Variants in LRP2 observed in about 807,000 individuals in gnomAD.
The protein encoded by LRP2 is low-density lipoprotein receptor-related protein 2.
LRP2 carries 172 observed loss-of-function variants against 531.0 expected under a neutral mutation model. The observed-to-expected ratio is 0.32, with a 90% confidence interval of 0.29 to 0.37. LRP2 has a LOEUF of 0.37. Among genes scored for constraint, LRP2 ranks in the 10% least tolerant of loss-of-function variants. The pLI is 1.00. For synonymous variants in LRP2, 1,992 were observed against 2,027.6 expected (o/e 0.98, Z 0.47); for missense variants, 5,167 against 5,868.3 (o/e 0.88, Z 3.90).
Position 169,237,007 on chromosome 2 carries a change from A to G in LRP2, c.4691+96T>C, listed in dbSNP as rs77595542. 0.013 allele frequency: 13,069 copies of G among 1,040,504 alleles called. 105 individuals are homozygous for G. The highest frequency in any genetic ancestry group is 0.016 in the Middle Eastern group (74 of 4,686). The allele number at this position is 1,040,504 out of a possible 1,614,324, so 64.5% of individuals were successfully genotyped here. ...AACAAGGGATCATTTTAAATTTTGC[A>G]TATCAGCAACATGCATATCAGCTAC... On this transcript the variant is annotated intron_variant, in intron 28 of 78. Transcript: ENST00000649046.
At chr2:169,304,066 C>A (rs1485974168) in intron 4 of LRP2, among the ~76,000 whole-genome samples, 3 of 152,124 alleles carry the variant, frequency 2.0e-5, no homozygotes, top group African/African-American at 7.2e-5. Context: ...AGTTGTGAGC[C>A]GGTTGTATTA....
rs200832633 is a variant in LRP2, at chr2:169,243,514, C to G, written c.3439G>C (p.Glu1147Gln). 3.1e-6 allele frequency: 5 copies of G among 1,614,118 alleles called. No individual in the cohort carries two copies. Among genetic ancestry groups the G allele is most frequent in the Non-Finnish European group, 4.2e-6 (5 of 1,180,000 alleles). The change falls in exon 23 of 79, where the codon GAG becomes CAG. Residue 1147 changes from glutamate to glutamine, a missense_variant. This residue lies in a region of LRP2 where 2,811 missense variants were observed against 3,058.0 expected (regional missense o/e 0.92). Coordinates refer to ENST00000649046, the MANE Select transcript of LRP2 (RefSeq NM_004525.3). ...TTAAACTGACTAGGTTGGCATGTCT[C>G]TGTCGAATCTAATGTCATCCGAAAA... ...GSDEKNCNST[E>Q]TCQPSQFNCP...
At chr2:169,146,665 T>G in intron 69 of LRP2, 74 bp downstream of exon 69, 34 of 1,308,768 alleles carry the variant, frequency 2.6e-5, no homozygotes, top group Non-Finnish European at 3.5e-5. Flanking sequence ...GGCTCCTTCT[T>G]GAGAAAACAG....
intron 1 of LRP2, among the ~76,000 whole-genome samples, chr2:169,325,508 A>G (rs962098735): frequency 6.6e-6 from 1 of 152,220 alleles, no homozygotes; most frequent in African/African-American, 2.4e-5. Context: ...CTGACAGTTC[A>G]CTACAATTCC....
Position 169,328,239 on chromosome 2 carries a change from G to C in LRP2, c.80-7355C>G, listed in dbSNP as rs1437825524. On this transcript the variant is annotated intron_variant, in intron 1 of 78. Transcript: ENST00000649046. Reference sequence around the variant, plus strand: ...AGCCGCCCCGTCCGGGAGGGAGGTGGGGGGGTCAGCGCCCCGCCCGGCCAG... The same window carrying C: ...AGCCGCCCCGTCCGGGAGGGAGGTGCGGGGGTCAGCGCCCCGCCCGGCCAG... Among the ~76,000 whole-genome samples, 18 of 120,152 alleles carry C rather than the reference G, an allele frequency of 1.5e-4. 1 individual carries two copies. The highest frequency in any genetic ancestry group is 2.6e-4 in the Non-Finnish European group (14 of 54,110). The allele number at this position is 120,152 out of a possible 152,430, so 78.8% of individuals were successfully genotyped here.
Position 169,144,891 on chromosome 2 carries a change from A to G in LRP2, c.12988+856T>C, listed in dbSNP as rs570399014. On this transcript the variant is annotated intron_variant, in intron 70 of 78. Coordinates refer to ENST00000649046, the MANE Select transcript of LRP2 (RefSeq NM_004525.3). Reference sequence around the variant, plus strand: ...AGCATTCAACCTGGGACTTTGGCATACTGAACACTGGGCCAATACAGCAAG... The same window carrying G: ...AGCATTCAACCTGGGACTTTGGCATGCTGAACACTGGGCCAATACAGCAAG... Among the ~76,000 whole-genome samples the G allele has an allele frequency of 3.9e-5, 6 of 152,192 alleles. No homozygotes were observed. In the East Asian group the frequency reaches 1.2e-3, roughly 29 times the overall value.
At chr2:169,295,996 TA>T (rs1684126025) in intron 4 of LRP2, among the ~76,000 whole-genome samples, 1 of 152,158 alleles carries the variant, frequency 6.6e-6, no homozygotes, top group Non-Finnish European at 1.5e-5. Context: ...TTTGAGATTT[TA>T]TAGAGATATA....
intron 1 of LRP2, among the ~76,000 whole-genome samples, chr2:169,359,258 T>G (rs1273712292): frequency 6.6e-6 from 1 of 152,194 alleles, no homozygotes; most frequent in Non-Finnish European, 1.5e-5. Flanking sequence ...TTGGTTGACT[T>G]TCCCAAGGTC....
chr2:169,200,764 A>T (rs1031932112), intron 44 of LRP2, among the ~76,000 whole-genome samples: 1 of 152,236 alleles, frequency 6.6e-6, no homozygotes, highest in Non-Finnish European at 1.5e-5. Flanking sequence ...TCAGCTAATA[A>T]ATGCGGCAGG....
intron 16 of LRP2, among the ~76,000 whole-genome samples, chr2:169,267,680 A>C (rs944836562): frequency 6.6e-6 from 1 of 152,220 alleles, no homozygotes; most frequent in African/African-American, 2.4e-5. Flanking sequence ...ACACCCTAAC[A>C]TCACAATTAA....
In LRP2 at chr2:169,181,592, T is replaced by A. The variant is rs1421316806; in HGVS notation, c.10025A>T (p.His3342Leu). The A allele has an allele frequency of 1.2e-6, 2 of 1,614,134 alleles. No individual in the cohort carries two copies. The highest frequency in any genetic ancestry group is 1.7e-6 in the Non-Finnish European group (2 of 1,180,022). The change falls in exon 52 of 79, where the codon CAC becomes CTC. Residue 3342 changes from histidine (H) to leucine (L), a missense_variant. This residue lies in a region of LRP2 where 1,129 missense variants were observed against 1,362.7 expected (regional missense o/e 0.83). Coordinates refer to ENST00000649046, the MANE Select transcript of LRP2 (RefSeq NM_004525.3). ...YGYLYWADWG[H>L]RAYIGRVGMD... ...GCCTACTCTCCCAATGTATGCGCGG[T>A]GACCCCAGTCTGCCCAGTAGAGGTA... is the stretch of plus-strand genomic sequence containing the variant.
At chr2:169,327,967 G>A (rs1395334521) in intron 1 of LRP2, among the ~76,000 whole-genome samples, 10 of 107,088 alleles carry the variant, frequency 9.3e-5, no homozygotes, top group African/African-American at 2.4e-4. Context: ...CAGCCGCCCC[G>A]TCCGGGAGGG....
intron 39 of LRP2, 55 bp downstream of exon 39, chr2:169,206,275 G>A (rs1688383126): frequency 1.2e-5 from 19 of 1,610,352 alleles, no homozygotes; most frequent in East Asian, 2.2e-5. Flanking sequence ...TCATCCATGT[G>A]TGTTGACCCC....
At chr2:169,132,208 A>G (rs1374139295) in intron 77 of LRP2, among the ~76,000 whole-genome samples, 1 of 152,242 alleles carries the variant, frequency 6.6e-6, no homozygotes, top group Non-Finnish European at 1.5e-5. Flanking sequence ...ATCACGGCAC[A>G]CACAGACGGA....
At chr2:169,327,332 G>C (rs1173762352) in intron 1 of LRP2, among the ~76,000 whole-genome samples, 1 of 126,814 alleles carries the variant, frequency 7.9e-6, no homozygotes, top group African/African-American at 3.0e-5. Flanking sequence ...CCCCCGCCCG[G>C]CCAGCCGCCC....
Position 169,204,245 on chromosome 2 carries a change from G to C in LRP2, c.7742C>G (p.Thr2581Arg). 1 of 1,613,506 alleles carries C rather than the reference G, an allele frequency of 6.2e-7. No homozygotes were observed. Among genetic ancestry groups the C allele is most frequent in the Non-Finnish European group, 8.5e-7 (1 of 1,180,026 alleles). The change falls in exon 42 of 79, where the codon ACG becomes AGG. Residue 2581 changes from threonine (T) to arginine (R), a missense_variant. Physicochemically the swap from Thr to Arg is moderately conservative, Grantham distance 71. Coordinates refer to ENST00000649046, the MANE Select transcript of LRP2 (RefSeq NM_004525.3). ...SLQRIERSTL[T>R]GVDREVIVNA... ...GACAATGACTTCACGATCCACGCCCGTCAGAGTGCTGCGTTCAATCCTCTG... is the reference window on the plus strand; with the variant it reads ...GACAATGACTTCACGATCCACGCCCCTCAGAGTGCTGCGTTCAATCCTCTG...
chr2:169,168,425 G>T, intron 61 of LRP2, 114 bp downstream of exon 61: 1 of 1,282,048 alleles, frequency 7.8e-7, no homozygotes, highest in Non-Finnish European at 1.1e-6. Flanking sequence ...CTGATCCTGT[G>T]TCCATTCCTA....
intron 16 of LRP2, 54 bp from the exon 17 acceptor site, chr2:169,259,271 A>G: frequency 7.3e-7 from 1 of 1,375,352 alleles, no homozygotes. Flanking sequence ...GTAAGGCATC[A>G]ATTTTCCTAC....
At chr2:169,167,136 T>C (rs1004004600) in intron 61 of LRP2, among the ~76,000 whole-genome samples, 4 of 152,224 alleles carry the variant, frequency 2.6e-5, no homozygotes, top group Admixed American at 2.0e-4. Flanking sequence ...TTTTACCTTA[T>C]GGAGAGAAGA....
Sources: allele counts gnomAD v4.1 joint callset (sites outside exome capture counted in the v4.1 genomes callset), GRCh38; gene constraint gnomAD v4.1.1; regional missense constraint gnomAD v4.1.1; transcripts MANE v1.5; gene names NCBI Gene and HGNC (gene_info 2026-07-23, HGNC 2026-07-21).